PLXDC1: variants seen among roughly 807,000 people sequenced by gnomAD.
PLXDC1 encodes the protein plexin domain containing 1, also known as plexin domain-containing protein 1.
Under a neutral mutation model 61.3 loss-of-function variants are expected in PLXDC1, and 39 were observed. That is an observed-to-expected ratio of 0.64 (90% CI 0.49 to 0.83). The LOEUF (loss-of-function observed/expected upper bound fraction) is 0.83. PLXDC1 is among the 40% of genes least tolerant of loss of function. The pLI is 0.00. For missense variants in PLXDC1, 596 were observed against 666.5 expected, an observed-to-expected ratio of 0.89 and a Z score of 1.17; for synonymous variants, 212 against 254.5, an observed-to-expected ratio of 0.83 and a Z score of 1.59.
intron 2 of PLXDC1, among the ~76,000 whole-genome samples, chr17:39,134,533 C>A (rs542185021): frequency 6.7e-6 from 1 of 149,008 alleles, no homozygotes; most frequent in African/African-American, 2.5e-5. Context: ...GGCTGAAGCA[C>A]GAGAATTGCT....
chr17:39,122,378 C>CAA (rs71141762), intron 2 of PLXDC1, among the ~76,000 whole-genome samples: 481 of 36,436 alleles, frequency 0.013, 39 homozygotes, highest in African/African-American at 0.027. Context: ...GACTCTGTCT[C>CAA]AAAAAAAAAA....
intron 2 of PLXDC1, among the ~76,000 whole-genome samples, chr17:39,131,322 C>T (rs72823325): frequency 6.6e-6 from 1 of 151,598 alleles, no homozygotes; most frequent in African/African-American, 2.4e-5. Context: ...CCTGGACATG[C>T]TTTCTTCTCA....
intron 9 of PLXDC1, chr17:39,079,432 C>T (rs986036512): frequency 1.5e-5 from 8 of 538,702 alleles, no homozygotes; most frequent in Non-Finnish European, 2.9e-5. Context: ...GCATGAGCTC[C>T]AGTGATCCTC....
chr17:39,119,048 A>C (rs1321456994), intron 2 of PLXDC1, among the ~76,000 whole-genome samples: 1 of 152,218 alleles, frequency 6.6e-6, no homozygotes, highest in African/African-American at 2.4e-5. Flanking sequence ...GAATTAATGA[A>C]AAGGAGGCAA....
intron 2 of PLXDC1, among the ~76,000 whole-genome samples, chr17:39,117,609 G>A (rs1415206020): frequency 6.6e-6 from 1 of 152,142 alleles, no homozygotes; most frequent in East Asian, 1.9e-4. Context: ...GGGCATGGTG[G>A]CATGCACCTG....
At chr17:39,146,127 T>C (rs1405552572) in intron 1 of PLXDC1, among the ~76,000 whole-genome samples, 3 of 149,024 alleles carry the variant, frequency 2.0e-5, no homozygotes, top group Non-Finnish European at 4.4e-5. Flanking sequence ...CTGGAGTACA[T>C]TGGTGTGATC....
upstream of PLXDC1, chr17:39,152,777 A>T (rs1385935196): frequency 1.1e-6 from 1 of 879,634 alleles, no homozygotes; most frequent in East Asian, 3.3e-5. Flanking sequence ...GGTTAAAAAA[A>T]AAAAAAAGAA....
intron 7 of PLXDC1, among the ~76,000 whole-genome samples, chr17:39,099,047 G>C (rs1013549540): frequency 6.6e-6 from 1 of 152,008 alleles, no homozygotes; most frequent in East Asian, 1.9e-4. Context: ...GAAGGAGGAC[G>C]AGGCTGGGAG....
At chr17:39,135,578 G>C (rs1055012984) in intron 2 of PLXDC1, among the ~76,000 whole-genome samples, 11 of 151,628 alleles carry the variant, frequency 7.3e-5, no homozygotes, top group African/African-American at 2.7e-4. Context: ...TTGGGAGGCT[G>C]AGGCAGGAGA....
intron 1 of PLXDC1, among the ~76,000 whole-genome samples, chr17:39,143,266 C>A (rs1911993000): frequency 6.6e-6 from 1 of 152,132 alleles, no homozygotes; most frequent in African/African-American, 2.4e-5. Flanking sequence ...TGAGAACAGA[C>A]CATCAGATAG....
chr17:39,078,277 TAATA>T (rs1046458958), intron 10 of PLXDC1, among the ~76,000 whole-genome samples: 1 of 152,126 alleles, frequency 6.6e-6, no homozygotes, highest in African/African-American at 2.4e-5. Context: ...AGACTCAGAC[TAATA>T]AATAGACTGT....
chr17:39,116,912 T>C (rs2143751054), intron 2 of PLXDC1, among the ~76,000 whole-genome samples: 1 of 152,332 alleles, frequency 6.6e-6, no homozygotes, highest in Middle Eastern at 3.4e-3. Flanking sequence ...TTCCCTTCAG[T>C]CTGATGTGGC....
chr17:39,133,301 G>A (rs1911623524), intron 2 of PLXDC1, among the ~76,000 whole-genome samples: 1 of 152,102 alleles, frequency 6.6e-6, no homozygotes, highest in African/African-American at 2.4e-5. Flanking sequence ...TAGAGTTTGG[G>A]TATGGAGCCA....
chr17:39,146,056 A>G (rs1047667618), intron 1 of PLXDC1, among the ~76,000 whole-genome samples: 1 of 148,696 alleles, frequency 6.7e-6, no homozygotes, highest in African/African-American at 2.5e-5. Context: ...ATCAGGCTGC[A>G]CTTCGGCCCA....
chr17:39,133,585 G>A (rs560616190), intron 2 of PLXDC1, among the ~76,000 whole-genome samples: 136 of 152,272 alleles, frequency 8.9e-4, no homozygotes, highest in African/African-American at 3.2e-3. Flanking sequence ...ACATTCCAGG[G>A]GGAAGATAGG....
At chr17:39,146,424 C>A (rs926694832) in intron 1 of PLXDC1, among the ~76,000 whole-genome samples, 5 of 151,566 alleles carry the variant, frequency 3.3e-5, no homozygotes, top group African/African-American at 1.2e-4. Context: ...TGCCTATAAT[C>A]CCAACACTTT....
intron 2 of PLXDC1, among the ~76,000 whole-genome samples, chr17:39,116,677 G>T (rs1277037580): frequency 2.0e-5 from 3 of 152,184 alleles, no homozygotes; most frequent in Non-Finnish European, 4.4e-5. Context: ...ACCTTCGGGG[G>T]CAAGGAAGAG....
At chr17:39,144,106 A>G (rs1912019378) in intron 1 of PLXDC1, among the ~76,000 whole-genome samples, 1 of 151,948 alleles carries the variant, frequency 6.6e-6, no homozygotes, top group African/African-American at 2.4e-5. Flanking sequence ...AGGAGGCGGG[A>G]TGGTGGAGGC....
intron 1 of PLXDC1, among the ~76,000 whole-genome samples, chr17:39,150,044 C>T (rs1344481325): frequency 6.6e-6 from 1 of 152,204 alleles, no homozygotes; most frequent in Non-Finnish European, 1.5e-5. Flanking sequence ...AACAGCCTCA[C>T]TTTATAAATG....
Sources: allele counts gnomAD v4.1 joint callset (sites outside exome capture counted in the v4.1 genomes callset), GRCh38; gene constraint gnomAD v4.1.1; transcripts MANE v1.5; gene names NCBI Gene and HGNC (gene_info 2026-07-23, HGNC 2026-07-21).